Variants in ITGBL1 observed in about 807,000 individuals in gnomAD.
The protein encoded by ITGBL1 is integrin beta-like protein 1.
Under a neutral mutation model 68.5 loss-of-function variants are expected in ITGBL1, and 51 were observed. The observed-to-expected ratio is 0.74, with a 90% confidence interval of 0.59 to 0.94. ITGBL1 has a LOEUF of 0.94. Among genes scored for constraint, ITGBL1 ranks in the 40% least tolerant of loss-of-function variants. The probability of loss-of-function intolerance (pLI) is 0.00; values close to 1 mark genes in which losing one functional copy is unlikely to be tolerated. For synonymous variants in ITGBL1, 209 were observed against 227.3 expected, an observed-to-expected ratio of 0.92 and a Z score of 0.72; for missense variants, 649 against 647.4, an observed-to-expected ratio of 1.00 and a Z score of -0.03.
chr13:101,720,564 G>GTGTGTGTA (rs1233100229), downstream of ITGBL1: 3 of 138,736 alleles, frequency 2.2e-5, no homozygotes, highest in Non-Finnish European at 3.2e-5. Context: ...GTGTGTGTGT[G>GTGTGTGTA]TATATGTGTG....
intron 7 of ITGBL1, among the ~76,000 whole-genome samples, chr13:101,639,163 G>A (rs1428185627): frequency 6.6e-6 from 1 of 152,020 alleles, no homozygotes; most frequent in Non-Finnish European, 1.5e-5. Context: ...TAAAATAGCT[G>A]TTTACATTTG....
chr13:101,720,719 C>T (rs2034918040), downstream of ITGBL1: 1 of 151,318 alleles, frequency 6.6e-6, no homozygotes, highest in East Asian at 1.9e-4. Context: ...TGGAAGTTAT[C>T]TAATATATTT....
At chr13:101,548,844 T>G (rs1482798000) in intron 2 of ITGBL1, among the ~76,000 whole-genome samples, 1 of 151,846 alleles carries the variant, frequency 6.6e-6, no homozygotes, top group African/African-American at 2.4e-5. Context: ...TTACCTTACA[T>G]TAATCTTTAT....
intron 10 of ITGBL1, chr13:101,715,283 G>A (rs2034666275): frequency 3.0e-6 from 1 of 332,352 alleles, no homozygotes; most frequent in Admixed American, 4.5e-5. Flanking sequence ...GCTCTTTAAG[G>A]GAAAACAAAA....
chr13:101,703,387 A>C (rs918719789), intron 8 of ITGBL1, among the ~76,000 whole-genome samples: 1 of 152,186 alleles, frequency 6.6e-6, no homozygotes, highest in Non-Finnish European at 1.5e-5. Context: ...GAAACAATGA[A>C]TGGGCCAGTT....
intron 2 of ITGBL1, among the ~76,000 whole-genome samples, chr13:101,464,745 T>C (rs2048361011): frequency 6.6e-6 from 1 of 152,166 alleles, no homozygotes; most frequent in South Asian, 2.1e-4. Context: ...CATATGTGAA[T>C]ATGTAAGTAT....
intron 8 of ITGBL1, among the ~76,000 whole-genome samples, chr13:101,694,780 C>T (rs932385037): frequency 3.9e-5 from 6 of 152,158 alleles, no homozygotes; most frequent in African/African-American, 7.2e-5. Flanking sequence ...ATCTCAGTCT[C>T]TTCCACTTTC....
intron 8 of ITGBL1, among the ~76,000 whole-genome samples, chr13:101,698,521 A>C (rs780563661): frequency 2.0e-5 from 3 of 152,228 alleles, no homozygotes; most frequent in Non-Finnish European, 4.4e-5. Flanking sequence ...AAAGAAAATC[A>C]GCATGAAGTG....
intron 8 of ITGBL1, among the ~76,000 whole-genome samples, chr13:101,700,220 T>C (rs972039287): frequency 6.6e-6 from 1 of 152,224 alleles, no homozygotes; most frequent in Non-Finnish European, 1.5e-5. Flanking sequence ...AAAACAGAGC[T>C]GTTTTTCTGC....
intron 2 of ITGBL1, among the ~76,000 whole-genome samples, chr13:101,526,129 G>C (rs935131756): frequency 6.8e-6 from 1 of 146,350 alleles, no homozygotes; most frequent in African/African-American, 2.5e-5. Flanking sequence ...GGAGCCAAAG[G>C]CTAGTTTCTT....
At position 101,452,941 on chromosome 13, in the gene ITGBL1, G is replaced by A; in HGVS notation, c.98+10G>A. ...TCTCGCCATCTCTGAGGTAAGTTTG[G>A]TTTGTTATTCTTCAGTACAGACCTG... On this transcript the variant is annotated intron_variant, in intron 1 of 10. Coordinates refer to ENST00000376180, the MANE Select transcript of ITGBL1 (RefSeq NM_004791.3). 1 of 1,612,626 alleles carries A rather than the reference G, an allele frequency of 6.2e-7. No homozygotes were observed.
intron 2 of ITGBL1, among the ~76,000 whole-genome samples, chr13:101,482,121 A>C (rs1270589397): frequency 6.6e-6 from 1 of 152,206 alleles, no homozygotes; most frequent in Non-Finnish European, 1.5e-5. Context: ...AGGCTTGAAA[A>C]AGTTGACTTT....
At chr13:101,538,623 A>T (rs1462931869) in intron 2 of ITGBL1, among the ~76,000 whole-genome samples, 4 of 152,160 alleles carry the variant, frequency 2.6e-5, no homozygotes, top group Non-Finnish European at 4.4e-5. Flanking sequence ...CACCTGAAAG[A>T]TCTCACTATA....
At chr13:101,693,620 G>GTCTATCTATCTA (rs1422842721) in intron 8 of ITGBL1, among the ~76,000 whole-genome samples, 333 of 99,374 alleles carry the variant, frequency 3.4e-3, no homozygotes, top group African/African-American at 8.3e-3. Context: ...CTATCTGTCT[G>GTCTATCTATCTA]TCTGTCTATC....
intron 2 of ITGBL1, among the ~76,000 whole-genome samples, chr13:101,457,231 G>A (rs1375067666): frequency 6.6e-6 from 1 of 152,174 alleles, no homozygotes; most frequent in Non-Finnish European, 1.5e-5. Context: ...TGACAGATGG[G>A]TAGATAGATA....
At chr13:101,513,726 T>C (rs1050317881) in intron 2 of ITGBL1, among the ~76,000 whole-genome samples, 15 of 152,048 alleles carry the variant, frequency 9.9e-5, no homozygotes, top group Non-Finnish European at 1.9e-4. Context: ...TGAAGAACCA[T>C]TGACCCCATG....
intron 2 of ITGBL1, among the ~76,000 whole-genome samples, chr13:101,461,289 A>G (rs2048314156): frequency 6.6e-6 from 1 of 152,140 alleles, no homozygotes; most frequent in Admixed American, 6.5e-5. Flanking sequence ...CATGTTCTTG[A>G]TATCATAAAC....
chr13:101,521,114 G>A (rs2139133675), intron 2 of ITGBL1, among the ~76,000 whole-genome samples: 1 of 152,276 alleles, frequency 6.6e-6, no homozygotes, highest in South Asian at 2.1e-4. Flanking sequence ...ACTCTGGGTC[G>A]ATTCGAAAGA....
intron 2 of ITGBL1, among the ~76,000 whole-genome samples, chr13:101,456,839 C>T (rs948880554): frequency 2.6e-5 from 4 of 152,106 alleles, no homozygotes; most frequent in South Asian, 2.1e-4. Flanking sequence ...CGCTTGAACC[C>T]GGCAGGCAGA....
Sources: allele counts gnomAD v4.1 joint callset (sites outside exome capture counted in the v4.1 genomes callset), GRCh38; gene constraint gnomAD v4.1.1; transcripts MANE v1.5; gene names NCBI Gene and HGNC (gene_info 2026-07-23, HGNC 2026-07-21).